The following DPYD variants were observed in gnomAD, a reference collection of about 807,000 sequenced individuals.
The protein encoded by DPYD is dihydropyrimidine dehydrogenase [NADP(+)].
In DPYD, 109 loss-of-function variants were observed where a neutral mutation model predicts 116.2. The observed-to-expected ratio is 0.94, with a 90% CI of 0.80 to 1.10. The LOEUF (loss-of-function observed/expected upper bound fraction) is 1.10. Ranked by LOEUF, DPYD falls within the 50% of genes least tolerant of loss-of-function variation. The pLI, the probability that DPYD is intolerant of heterozygous loss-of-function variation, is 0.00. For synonymous variants in DPYD, 440 were observed against 432.0 expected, an observed-to-expected ratio of 1.02 and a Z score of -0.23; for missense variants, 1,302 against 1,254.5, an observed-to-expected ratio of 1.04 and a Z score of -0.57.
At chr1:97,550,963 T>C (rs1651274121) in intron 11 of DPYD, among the ~76,000 whole-genome samples, 1 of 152,186 alleles carries the variant, frequency 6.6e-6, no homozygotes, top group Non-Finnish European at 1.5e-5. Context: ...TAGAAAATTA[T>C]TGAGGGTTTA....
At chr1:97,463,902 G>A (rs12735808) in intron 13 of DPYD, among the ~76,000 whole-genome samples, 31,814 of 152,042 alleles carry the variant, frequency 0.21, 3,624 homozygotes, top group Middle Eastern at 0.33. Context: ...TGGTGTTAAA[G>A]GCACTCAGTT....
intron 14 of DPYD, among the ~76,000 whole-genome samples, chr1:97,390,107 T>C (rs1672611621): frequency 6.6e-6 from 1 of 152,100 alleles, no homozygotes; most frequent in Admixed American, 6.6e-5. Context: ...GGCTGTCTTG[T>C]CAAATTCCCA....
intron 8 of DPYD, among the ~76,000 whole-genome samples, chr1:97,647,228 T>C (rs1420278459): frequency 1.3e-5 from 2 of 152,022 alleles, no homozygotes; most frequent in African/African-American, 2.4e-5. Context: ...TTTAAATATT[T>C]TGGTGTCCTT....
intron 13 of DPYD, among the ~76,000 whole-genome samples, chr1:97,489,000 G>A (rs1433786760): frequency 6.6e-6 from 1 of 152,186 alleles, no homozygotes; most frequent in Non-Finnish European, 1.5e-5. Flanking sequence ...AACACCTCTG[G>A]CTTGCCCTTG....
intron 18 of DPYD, among the ~76,000 whole-genome samples, chr1:97,297,414 A>C (rs1213476270): frequency 6.6e-6 from 1 of 152,148 alleles, no homozygotes; most frequent in Admixed American, 6.6e-5. Context: ...CATGGTACTA[A>C]ATTTTTGGGA....
At chr1:97,602,855 G>C (rs1402195856) in intron 8 of DPYD, among the ~76,000 whole-genome samples, 1 of 151,818 alleles carries the variant, frequency 6.6e-6, no homozygotes, top group East Asian at 1.9e-4. Flanking sequence ...ATTAGTAGAA[G>C]TTATTGCAAT....
rs182252542 is a variant in DPYD at position 97,427,989 on chromosome 1, T to C, written c.1905+22070A>G. Among the ~76,000 whole-genome samples, 371 of 152,212 alleles carry C rather than the reference T, an allele frequency of 2.4e-3. 2 individuals are homozygous for C. The highest frequency in any genetic ancestry group is 0.011 in the Admixed American group (164 of 15,276). Reference sequence around the variant, plus strand: ...GTGCAATTCAAAGATGCCTAAAAAATGGCTAAGTATTTATGGTTCAGTTAA... The same window carrying C: ...GTGCAATTCAAAGATGCCTAAAAAACGGCTAAGTATTTATGGTTCAGTTAA... On this transcript the variant is annotated intron_variant, in intron 14 of 22. Coordinates refer to ENST00000370192, the MANE Select transcript of DPYD (RefSeq NM_000110.4).
intron 12 of DPYD, among the ~76,000 whole-genome samples, chr1:97,528,120 C>T (rs185432922): frequency 8.5e-5 from 13 of 152,220 alleles, no homozygotes; most frequent in African/African-American, 2.6e-4. Context: ...TCAGTTCCTT[C>T]GCTCTTTGAA....
intron 4 of DPYD, among the ~76,000 whole-genome samples, chr1:97,728,410 G>A (rs945759896): frequency 6.6e-6 from 1 of 151,972 alleles, no homozygotes; most frequent in Non-Finnish European, 1.5e-5. Context: ...CTGCATTAGT[G>A]TCATTCCTCC....
intron 2 of DPYD, among the ~76,000 whole-genome samples, chr1:97,838,425 T>A (rs1161636222): frequency 2.6e-5 from 4 of 152,348 alleles, no homozygotes; most frequent in Admixed American, 2.0e-4. Context: ...GAAACTATTT[T>A]GGAAAAAGGT....
chr1:97,664,000 T>A (rs1203246687), intron 8 of DPYD, among the ~76,000 whole-genome samples: 3 of 152,156 alleles, frequency 2.0e-5, no homozygotes, highest in Non-Finnish European at 4.4e-5. Context: ...ATAGTCAAAG[T>A]CACAGATTAG....
chr1:97,469,396 G>GAAAAAAAAAAAAAAAAAAAAAA (rs1557733908), intron 13 of DPYD, among the ~76,000 whole-genome samples: 1 of 8,520 alleles, frequency 1.2e-4, no homozygotes, highest in African/African-American at 5.9e-4. Context: ...AGCTAAAATT[G>GAAAAAAAAAAAAAAAAAAAAAA]CAAAAAAAAA....
intron 13 of DPYD, among the ~76,000 whole-genome samples, chr1:97,499,244 T>C (rs934385285): frequency 6.6e-6 from 1 of 151,752 alleles, no homozygotes; most frequent in African/African-American, 2.4e-5. Flanking sequence ...ATTTGGTAAA[T>C]TCATTTTTCT....
intron 2 of DPYD, among the ~76,000 whole-genome samples, chr1:97,828,860 C>T (rs1012848809): frequency 6.6e-6 from 1 of 151,814 alleles, no homozygotes; most frequent in Admixed American, 6.6e-5. Flanking sequence ...GTAAATATGA[C>T]ATAAGCAGTT....
At position 97,833,291 on chromosome 1, in the gene DPYD, A is replaced by G. The variant is rs1191078725; in HGVS notation, c.151-5095T>C. Among the ~76,000 whole-genome samples, 5 of 152,260 alleles carry G rather than the reference A, an allele frequency of 3.3e-5. No homozygotes were observed. The East Asian group carries it at 7.7e-4, about 24-fold the overall frequency. On this transcript the variant is annotated intron_variant, in intron 2 of 22. Transcript: ENST00000370192. ...ATTAAATTTCAGTGCAGAAAAAAAA[A>G]TCTTGAAAATCTATTACATGTCAGG...
chr1:97,077,984 T>C lies in DPYD; in HGVS notation c.*992A>G, dbSNP rs1398954755. On this transcript the variant is annotated 3_prime_UTR_variant, in exon 23 of 23. Coordinates refer to ENST00000370192, the MANE Select transcript of DPYD (RefSeq NM_000110.4). ...TTTACTGATTATGAAAATAGAGAAA[T>C]ACAAAAATATTATCTAATAATAACA... The C allele has an allele frequency of 6.6e-6, 1 of 152,072 alleles. No homozygotes were observed. The highest frequency in any genetic ancestry group is 6.6e-5 in the Admixed American group (1 of 15,258). 9.4% of individuals were successfully genotyped at this position (152,072 alleles called of 1,614,324 possible). A position where few individuals can be genotyped will look rare whatever the true frequency, so the allele number is the denominator to read the frequency against.
intron 18 of DPYD, among the ~76,000 whole-genome samples, chr1:97,271,037 T>C (rs1166585978): frequency 6.6e-6 from 1 of 152,206 alleles, no homozygotes; most frequent in Non-Finnish European, 1.5e-5. Flanking sequence ...ACTGAAAGTA[T>C]GTTTCCCATC....
chr1:97,584,833 T>A (rs970063100), intron 10 of DPYD, among the ~76,000 whole-genome samples: 6 of 148,816 alleles, frequency 4.0e-5, no homozygotes, highest in Admixed American at 1.3e-4. Flanking sequence ...TAGCATTAGG[T>A]CATATACCTA....
chr1:97,243,552 T>C (rs1234668996), intron 18 of DPYD, among the ~76,000 whole-genome samples: 1 of 151,890 alleles, frequency 6.6e-6, no homozygotes, highest in Non-Finnish European at 1.5e-5. Context: ...ACCACAATGC[T>C]ATGCTGCTTC....
Sources: allele counts gnomAD v4.1 joint callset (sites outside exome capture counted in the v4.1 genomes callset), GRCh38; gene constraint gnomAD v4.1.1; transcripts MANE v1.5; gene names NCBI Gene and HGNC (gene_info 2026-07-23, HGNC 2026-07-21).